The following MYH11 variants were observed in gnomAD, a reference collection of about 807,000 sequenced individuals.
MYH11 encodes the protein myosin-11.
A neutral mutation model predicts 246.6 loss-of-function variants in MYH11; 80 were observed. The ratio of observed to expected loss-of-function variants is 0.32; its 90% CI spans 0.27 to 0.39. The LOEUF (loss-of-function observed/expected upper bound fraction) is 0.39, where lower values mean the gene tolerates loss of function less well. Ranked by LOEUF, MYH11 falls within the 10% of genes least tolerant of loss-of-function variation. The probability of loss-of-function intolerance (pLI) is 1.00; values close to 1 mark genes in which losing one functional copy is unlikely to be tolerated. For synonymous variants in MYH11, 1,071 were observed against 1,015.5 expected, an observed-to-expected ratio of 1.05 and a Z score of -1.04; for missense variants, 2,158 against 2,546.8, an observed-to-expected ratio of 0.85 and a Z score of 3.29.
intron 12 of MYH11, among the ~76,000 whole-genome samples, chr16:15,759,178 T>C (rs1055013336): frequency 4.6e-5 from 7 of 150,616 alleles, no homozygotes; most frequent in African/African-American, 1.5e-4. Flanking sequence ...GTTGGAACTG[T>C]TAGAAAAGAG....
chr16:15,802,615 A>G (rs1308644306), intron 3 of MYH11, among the ~76,000 whole-genome samples: 1 of 152,038 alleles, frequency 6.6e-6, no homozygotes, highest in Non-Finnish European at 1.5e-5. Flanking sequence ...TGCCCGGCTA[A>G]TTTTTGTATT....
chr16:15,742,251 A>G (rs779490414), intron 20 of MYH11: 49 of 351,114 alleles, frequency 1.4e-4, no homozygotes, highest in Non-Finnish European at 2.3e-4. Flanking sequence ...AACCATCCCA[A>G]CAGAGAACTA....
chr16:15,763,101 T>A (rs2041905059), intron 10 of MYH11, among the ~76,000 whole-genome samples: 1 of 152,192 alleles, frequency 6.6e-6, no homozygotes, highest in South Asian at 2.1e-4. Flanking sequence ...ACTCTTTTGG[T>A]ATAATCACGG....
chr16:15,726,825 A>G (rs778743824), intron 28 of MYH11, 23 bp downstream of exon 28: 9 of 1,610,088 alleles, frequency 5.6e-6, no homozygotes, highest in African/African-American at 2.7e-5. Flanking sequence ...ACTGCCCACC[A>G]CACCACCGCG....
At chr16:15,781,970 A>G (rs1292056170) in intron 6 of MYH11, among the ~76,000 whole-genome samples, 1 of 152,198 alleles carries the variant, frequency 6.6e-6, no homozygotes, top group East Asian at 1.9e-4. Context: ...TTGGCACTCA[A>G]TTCATGTTTT....
intron 26 of MYH11, among the ~76,000 whole-genome samples, chr16:15,734,464 T>C (rs533759060): frequency 1.3e-5 from 2 of 152,256 alleles, no homozygotes; most frequent in African/African-American, 4.8e-5. Flanking sequence ...CACGCCCAGG[T>C]AATTTTTGGA....
intron 3 of MYH11, among the ~76,000 whole-genome samples, chr16:15,816,793 C>CA (rs67390477): frequency 0.29 from 39,842 of 138,370 alleles, 6,553 homozygotes; most frequent in African/African-American, 0.48. Context: ...TGGTAAATAC[C>CA]AAAAAAAAAA....
chr16:15,761,086 A>G (rs747394276), intron 10 of MYH11, among the ~76,000 whole-genome samples: 3 of 152,012 alleles, frequency 2.0e-5, no homozygotes, highest in Non-Finnish European at 4.4e-5. Context: ...AGATAGATAG[A>G]TTTATTTATT....
intron 7 of MYH11, among the ~76,000 whole-genome samples, chr16:15,777,125 A>ACACACG (rs1156261919): frequency 2.6e-5 from 4 of 151,798 alleles, no homozygotes; most frequent in Non-Finnish European, 4.4e-5. Flanking sequence ...ACACACACAC[A>ACACACG]CACGCACGTA....
chr16:15,838,286 C>T lies in MYH11; in HGVS notation c.-17-17G>A. 1 of 1,606,254 alleles carries T rather than the reference C, an allele frequency of 6.2e-7. No homozygotes were observed. Among genetic ancestry groups the T allele is most frequent in the East Asian group, 2.2e-5 (1 of 44,848 alleles). On this transcript the variant is annotated splice_polypyrimidine_tract_variant and intron_variant, in intron 1 of 40. Transcript: ENST00000300036. ...GTTGGTCCCCTGTGGAATAAGGTAA[C>T]AGGGTCAGAATCAGACCACAACCAA... is the stretch of plus-strand genomic sequence containing the variant.
At chr16:15,829,630 C>T (rs1037204975) in intron 2 of MYH11, among the ~76,000 whole-genome samples, 3 of 152,202 alleles carry the variant, frequency 2.0e-5, no homozygotes, top group East Asian at 1.9e-4. Flanking sequence ...GTGTCCCAGC[C>T]GGCATCTCAT....
chr16:15,714,634 G>A (rs866583834), intron 40 of MYH11: 1 of 570,294 alleles, frequency 1.8e-6, no homozygotes, highest in South Asian at 2.0e-5. Context: ...AGTGGGGATA[G>A]CCTCTTCCTC....
Position 15,719,662 on chromosome 16 carries a change from C to G in MYH11, c.5005G>C (p.Asp1669His). Residue 1669 changes from aspartate (D) to histidine (H), a missense_variant, in exon 35 of 41, where the codon GAT becomes CAT. Physicochemically the swap from Asp to His is moderately conservative, Grantham distance 81. Transcript: ENST00000300036. ...TCTTTGGCTGTGGCAAAGATCTCAT[C>G]TCTGGAGGCACGGGCATCTTCCAGC... ...RELEDARASR[D>H]EIFATAKENE... 6.2e-7 allele frequency: 1 copy of G among 1,614,220 alleles called. No homozygotes were observed. The highest frequency in any genetic ancestry group is 8.5e-7 in the Non-Finnish European group (1 of 1,180,042).
chr16:15,705,266 G>C (rs2039384529), intron 40 of MYH11, among the ~76,000 whole-genome samples: 1 of 152,208 alleles, frequency 6.6e-6, no homozygotes, highest in South Asian at 2.1e-4. Context: ...ACAGGTGTGT[G>C]CCAGTGCACC....
intron 12 of MYH11, among the ~76,000 whole-genome samples, chr16:15,759,196 CT>C (rs10593456): frequency 0.11 from 13,134 of 119,308 alleles, 912 homozygotes; most frequent in African/African-American, 0.21. Flanking sequence ...GAGATATGTG[CT>C]TTTTTTTTTT....
At chr16:15,752,144 G>A (rs2151267089) in intron 15 of MYH11, among the ~76,000 whole-genome samples, 1 of 152,098 alleles carries the variant, frequency 6.6e-6, no homozygotes, top group Admixed American at 6.6e-5. Flanking sequence ...CCACAAGACT[G>A]TGGGTCCCGC....
At chr16:15,799,659 G>A (rs1347683584) in intron 3 of MYH11, among the ~76,000 whole-genome samples, 1 of 152,228 alleles carries the variant, frequency 6.6e-6, no homozygotes, top group Admixed American at 6.5e-5. Flanking sequence ...CCCAAAGAGA[G>A]ATCTGAGAAC....
At chr16:15,853,132 C>G (rs989032266) in intron 1 of MYH11, among the ~76,000 whole-genome samples, 9 of 152,052 alleles carry the variant, frequency 5.9e-5, no homozygotes, top group Admixed American at 5.9e-4. Flanking sequence ...CAGCCTGGTA[C>G]AGTAAAGTTC....
At chr16:15,758,444 AG>A (rs1210571222) in intron 12 of MYH11, among the ~76,000 whole-genome samples, 1 of 151,794 alleles carries the variant, frequency 6.6e-6, no homozygotes, top group Non-Finnish European at 1.5e-5. Flanking sequence ...CCAAGGCGGG[AG>A]GATCACTTGA....
Sources: gnomAD v4.1 joint callset for allele counts (sites outside exome capture counted in the v4.1 genomes callset) on GRCh38, gnomAD v4.1.1 for gene constraint, MANE v1.5 for transcripts, NCBI Gene and HGNC (gene_info 2026-07-23, HGNC 2026-07-21) for gene names.